HDAC8: variants seen among roughly 807,000 people sequenced by gnomAD.
HDAC8 encodes the protein histone deacetylase-like 1.
Under a neutral mutation model 32.2 loss-of-function variants are expected in HDAC8, and 1 was observed. The observed-to-expected ratio is 0.03, with a 90% confidence interval of 0.01 to 0.15. The LOEUF (loss-of-function observed/expected upper bound fraction) is 0.15, where lower values mean the gene tolerates loss of function less well. HDAC8 is among the 10% of genes least tolerant of loss of function. The pLI is 1.00. For missense variants in HDAC8, 117 were observed against 300.0 expected, an observed-to-expected ratio of 0.39 and a Z score of 4.51; for synonymous variants, 108 against 113.9, an observed-to-expected ratio of 0.95 and a Z score of 0.33.
At chrX:72,464,782 AGTG>A (rs1555993292) in intron 7 of HDAC8, 51 bp from the exon 8 acceptor site, 5 of 942,840 alleles carry the variant, frequency 5.3e-6, no homozygotes, top group South Asian at 2.1e-5. Flanking sequence ...GTCTAGGGGT[AGTG>A]GTGGTGGTAG....
intron 9 of HDAC8, among the ~76,000 whole-genome samples, chrX:72,439,845 A>T (rs2047070646): frequency 9.0e-6 from 1 of 111,353 alleles, no homozygotes; most frequent in Non-Finnish European, 1.9e-5. Context: ...AGACCTAAAA[A>T]GAGATTTAGA....
chrX:72,557,752 CTG>C (rs2051332772), intron 4 of HDAC8, among the ~76,000 whole-genome samples: 1 of 111,203 alleles, frequency 9.0e-6, no homozygotes, highest in African/African-American at 3.3e-5. Flanking sequence ...CTAAATGAAA[CTG>C]AAACAAACAA....
intron 7 of HDAC8, 113 bp downstream of exon 7, chrX:72,488,820 A>G: frequency 2.4e-6 from 1 of 415,255 alleles, no homozygotes; most frequent in Non-Finnish European, 4.1e-6. Context: ...AAAGCTTTAT[A>G]GGTATATAGA....
At chrX:72,550,223 C>G (rs2051018334) in intron 4 of HDAC8, among the ~76,000 whole-genome samples, 1 of 111,190 alleles carries the variant, frequency 9.0e-6, no homozygotes. Context: ...GGATCAAGTC[C>G]AAGCTGTTTA....
chrX:72,453,460 AAAAT>A lies in HDAC8; in HGVS notation c.1005+8540_1005+8543del, dbSNP rs557551895. Among the ~76,000 whole-genome samples the A allele has an allele frequency of 3.4e-4, 15 of 43,488 alleles. No homozygotes were observed. In the South Asian group the frequency reaches 4.5e-3, roughly 13 times the overall value. 37.8% of individuals were successfully genotyped at this position (43,488 alleles called of 115,157 possible). A position where few individuals can be genotyped will look rare whatever the true frequency, so the allele number is the denominator to read the frequency against. On this transcript the variant is annotated intron_variant, in intron 9 of 10. Coordinates refer to ENST00000373573, the MANE Select transcript of HDAC8 (RefSeq NM_018486.3). ...TGACGGAGTAAGACTCTGTCTCTTA[AAAAT>A]AAAGAAAGAAAGAAAGAAAGAAAGA...
chrX:72,388,471 G>C (rs1428211913), intron 9 of HDAC8, among the ~76,000 whole-genome samples: 1 of 109,630 alleles, frequency 9.1e-6, no homozygotes, highest in Non-Finnish European at 1.9e-5. Context: ...ACTTCATCAA[G>C]TCTTGTTGGT....
intron 4 of HDAC8, among the ~76,000 whole-genome samples, chrX:72,521,860 T>C (rs1207552000): frequency 9.0e-6 from 1 of 111,117 alleles, no homozygotes; most frequent in Non-Finnish European, 1.9e-5. Flanking sequence ...CTCAACTTCA[T>C]TGTTGCTAAT....
At chrX:72,404,230 C>T (rs1448964764) in intron 9 of HDAC8, among the ~76,000 whole-genome samples, 1 of 110,915 alleles carries the variant, frequency 9.0e-6, no homozygotes, top group Non-Finnish European at 1.9e-5. Flanking sequence ...CATTCCATTT[C>T]CTCTCTTCTA....
At position 72,348,607 on chromosome X, in the gene HDAC8, T is replaced by G. The variant is rs1050124575; in HGVS notation, c.1111+3126A>C. 7.1e-5 allele frequency among the ~76,000 whole-genome samples: 8 copies of G among 112,056 alleles called. 1 individual carries two copies. The highest frequency in any genetic ancestry group is 1.9e-4 in the Admixed American group (2 of 10,568). On this transcript the variant is annotated intron_variant, in intron 10 of 10. Coordinates refer to ENST00000373573, the MANE Select transcript of HDAC8 (RefSeq NM_018486.3). ...TCTGAGCTTGTGTGTTCCGCTAAAT[T>G]TGCATGGCTAGAAAACAAGACTTTG...
chrX:72,437,712 A>G (rs939233114), intron 9 of HDAC8, among the ~76,000 whole-genome samples: 3 of 111,871 alleles, frequency 2.7e-5, no homozygotes, highest in African/African-American at 9.7e-5. Flanking sequence ...TCACAGTGTA[A>G]ACGAAGCCTC....
At chrX:72,376,497 C>T (rs1359296935) in intron 9 of HDAC8, among the ~76,000 whole-genome samples, 2 of 111,984 alleles carry the variant, frequency 1.8e-5, no homozygotes, top group African/African-American at 6.5e-5. Flanking sequence ...TGGATCACTG[C>T]AACCTCCATC....
chrX:72,548,565 C>G (rs1482588907), intron 4 of HDAC8, among the ~76,000 whole-genome samples: 1 of 111,800 alleles, frequency 8.9e-6, no homozygotes, highest in Admixed American at 9.5e-5. Flanking sequence ...CCTACCCTGC[C>G]ACCTCCTTGT....
At chrX:72,335,066 G>A (rs2043641357) in intron 10 of HDAC8, among the ~76,000 whole-genome samples, 1 of 112,045 alleles carries the variant, frequency 8.9e-6, no homozygotes, top group African/African-American at 3.2e-5. Flanking sequence ...AAAAACTGAA[G>A]AGAAAGTACA....
intron 9 of HDAC8, among the ~76,000 whole-genome samples, chrX:72,414,093 A>G (rs1353839387): frequency 1.8e-5 from 2 of 112,095 alleles, no homozygotes; most frequent in African/African-American, 3.2e-5. Context: ...CTGCTCTCCT[A>G]TGAGGTCTGG....
chrX:72,474,582 G>A, intron 7 of HDAC8: 1 of 1,181,159 alleles, frequency 8.5e-7, no homozygotes, highest in East Asian at 3.0e-5. Flanking sequence ...AAACATACAA[G>A]ATATTCATTT....
intron 9 of HDAC8, among the ~76,000 whole-genome samples, chrX:72,443,707 CA>C (rs2047261374): frequency 1.9e-5 from 2 of 106,012 alleles, no homozygotes; most frequent in South Asian, 3.9e-4. Context: ...GAAGGAAATA[CA>C]GACACAAAAA....
intron 7 of HDAC8, among the ~76,000 whole-genome samples, chrX:72,470,519 C>G (rs1230068440): frequency 1.8e-5 from 2 of 111,503 alleles, no homozygotes; most frequent in Non-Finnish European, 3.8e-5. Context: ...ATCTTCAGTC[C>G]CTGAATTCCT....
At chrX:72,453,654 T>G (rs1264574923) in intron 9 of HDAC8, among the ~76,000 whole-genome samples, 1 of 111,514 alleles carries the variant, frequency 9.0e-6, no homozygotes, top group Non-Finnish European at 1.9e-5. Flanking sequence ...GTGGTTGAAA[T>G]ATTTCCAAAT....
chrX:72,473,096 C>T (rs2148068702), intron 7 of HDAC8, among the ~76,000 whole-genome samples: 1 of 112,453 alleles, frequency 8.9e-6, no homozygotes, highest in Admixed American at 9.4e-5. Context: ...ATTCAAAAAC[C>T]TTTAATGTCC....
Sources: allele counts gnomAD v4.1 joint callset (sites outside exome capture counted in the v4.1 genomes callset), GRCh38; gene constraint gnomAD v4.1.1; transcripts MANE v1.5; gene names NCBI Gene and HGNC (gene_info 2026-07-23, HGNC 2026-07-21).